Variants in SCAPER observed in about 807,000 individuals in gnomAD.
SCAPER encodes the protein S phase cyclin A-associated protein in the endoplasmic reticulum.
A neutral mutation model predicts 182.2 loss-of-function variants in SCAPER; 98 were observed. That is an observed-to-expected ratio of 0.54 (90% CI 0.46 to 0.64). The LOEUF (loss-of-function observed/expected upper bound fraction) is 0.64. Among genes scored for constraint, SCAPER ranks in the 30% least tolerant of loss-of-function variants. The pLI, the probability that SCAPER is intolerant of heterozygous loss-of-function variation, is 0.00. For synonymous variants in SCAPER, 605 were observed against 564.6 expected, an observed-to-expected ratio of 1.07 and a Z score of -1.01; for missense variants, 1,432 against 1,690.0, an observed-to-expected ratio of 0.85 and a Z score of 2.68.
chr15:76,603,592 T>C (rs1272699128), intron 22 of SCAPER, among the ~76,000 whole-genome samples: 3 of 122,258 alleles, frequency 2.5e-5, no homozygotes, highest in African/African-American at 7.5e-5. Flanking sequence ...TCTAGATCCC[T>C]GAGGAATCAC....
intron 23 of SCAPER, among the ~76,000 whole-genome samples, chr15:76,554,059 T>A (rs998755389): frequency 1.3e-5 from 2 of 152,016 alleles, no homozygotes. Context: ...AAAGTCAAAA[T>A]CCAATCCAAG....
chr15:76,511,841 A>ATGTGTG (rs755966745), intron 23 of SCAPER, among the ~76,000 whole-genome samples: 18,519 of 101,934 alleles, frequency 0.18, 2,097 homozygotes, highest in Admixed American at 0.28. Context: ...ATATATATAT[A>ATGTGTG]TATGTGTGTG....
At chr15:76,423,973 T>C (rs2142380065) in intron 26 of SCAPER, among the ~76,000 whole-genome samples, 1 of 152,360 alleles carries the variant, frequency 6.6e-6, no homozygotes, top group Non-Finnish European at 1.5e-5. Context: ...GATTGCACTG[T>C]GGTCTGAGAG....
chr15:76,801,806 G>C (rs2151513770), intron 6 of SCAPER, among the ~76,000 whole-genome samples: 1 of 152,080 alleles, frequency 6.6e-6, no homozygotes, highest in Admixed American at 6.5e-5. Flanking sequence ...TGTAATCCCA[G>C]CTACTTGGGA....
chr15:76,545,602 C>T (rs1002674051), intron 23 of SCAPER, among the ~76,000 whole-genome samples: 2 of 151,936 alleles, frequency 1.3e-5, no homozygotes, highest in East Asian at 1.9e-4. Context: ...TATTTTTAGA[C>T]GTTAAGATAA....
intron 21 of SCAPER, among the ~76,000 whole-genome samples, chr15:76,642,965 A>G (rs35077207): frequency 0.38 from 57,842 of 152,086 alleles, 13,050 homozygotes; most frequent in Middle Eastern, 0.52. Context: ...ATAGGTTTCA[A>G]TTAAAAAAGA....
chr15:76,691,635 C>G (rs1230900480), intron 20 of SCAPER, among the ~76,000 whole-genome samples: 1 of 152,016 alleles, frequency 6.6e-6, no homozygotes, highest in Admixed American at 6.6e-5. Flanking sequence ...AATTCTACCC[C>G]CAGTGAAAAC....
intron 23 of SCAPER, among the ~76,000 whole-genome samples, chr15:76,549,165 C>T (rs932080997): frequency 3.0e-4 from 46 of 151,682 alleles, no homozygotes; most frequent in Admixed American, 2.8e-3. Context: ...CAAAAGAAGA[C>T]ATTGATGCAA....
chr15:76,828,413 T>C (rs2068184534), intron 5 of SCAPER, among the ~76,000 whole-genome samples: 1 of 151,996 alleles, frequency 6.6e-6, no homozygotes, highest in African/African-American at 2.4e-5. Context: ...TGCTCTATCA[T>C]ATTGATGATA....
intron 22 of SCAPER, among the ~76,000 whole-genome samples, chr15:76,616,529 G>T (rs746439723): frequency 6.6e-6 from 1 of 152,074 alleles, no homozygotes; most frequent in Non-Finnish European, 1.5e-5. Context: ...GATGAAAATA[G>T]TTCTGGAGAT....
At chr15:76,903,649 T>C (rs2074920137) in intron 1 of SCAPER, among the ~76,000 whole-genome samples, 1 of 152,186 alleles carries the variant, frequency 6.6e-6, no homozygotes, top group African/African-American at 2.4e-5. Flanking sequence ...TGAATTTCTG[T>C]TGTTTATAAG....
chr15:76,607,184 C>T (rs967730753), intron 22 of SCAPER, among the ~76,000 whole-genome samples: 2 of 152,128 alleles, frequency 1.3e-5, no homozygotes, highest in African/African-American at 4.8e-5. Flanking sequence ...TTAGTGCTTC[C>T]TTCAGGAGCT....
At chr15:76,667,650 A>AAAAAAAAAAAC (rs2056701813) in intron 20 of SCAPER, among the ~76,000 whole-genome samples, 1 of 103,840 alleles carries the variant, frequency 9.6e-6, no homozygotes, top group African/African-American at 3.7e-5. Flanking sequence ...AAAAAAAAAA[A>AAAAAAAAAAAC]AAAAAAAAAA....
At chr15:76,785,558 TTATAAAGACA>T (rs1450979732) in intron 8 of SCAPER, among the ~76,000 whole-genome samples, 1 of 152,172 alleles carries the variant, frequency 6.6e-6, no homozygotes, top group Admixed American at 6.5e-5. Context: ...AATCATGCTA[TTATAAAGACA>T]TATGCACACG....
chr15:76,805,090 C>T (rs1178338056), intron 5 of SCAPER, among the ~76,000 whole-genome samples: 1 of 152,070 alleles, frequency 6.6e-6, no homozygotes, highest in Admixed American at 6.6e-5. Flanking sequence ...AAGGTTCAAC[C>T]ACCTGGTAGC....
intron 20 of SCAPER, among the ~76,000 whole-genome samples, chr15:76,694,869 A>T (rs1398235662): frequency 1.3e-5 from 2 of 151,028 alleles, no homozygotes; most frequent in African/African-American, 2.5e-5. Flanking sequence ...TTAATGTAAC[A>T]TATCACATGA....
intron 22 of SCAPER, among the ~76,000 whole-genome samples, chr15:76,574,870 C>T (rs116010360): frequency 0.011 from 1,631 of 152,072 alleles, 37 homozygotes; most frequent in African/African-American, 0.037. Context: ...TCTTTGTGGC[C>T]CCTACCTGGT....
chr15:76,684,183 C>T (rs575625986), intron 20 of SCAPER, among the ~76,000 whole-genome samples: 12 of 150,702 alleles, frequency 8.0e-5, no homozygotes, highest in African/African-American at 2.9e-4. Flanking sequence ...AACCAACTAA[C>T]ACCATGATGA....
chr15:76,887,457 G>A (rs745868680), intron 1 of SCAPER, among the ~76,000 whole-genome samples: 22 of 152,222 alleles, frequency 1.4e-4, no homozygotes, highest in African/African-American at 2.4e-4. Context: ...CCCAAATACC[G>A]CGCTTTTCCC....
Sources: gnomAD v4.1 joint callset for allele counts (sites outside exome capture counted in the v4.1 genomes callset) on GRCh38, gnomAD v4.1.1 for gene constraint, MANE v1.5 for transcripts, NCBI Gene and HGNC (gene_info 2026-07-23, HGNC 2026-07-21) for gene names.